Variants in MYOM2 observed in about 807,000 individuals in gnomAD.
MYOM2 encodes the protein myomesin-2.
MYOM2 carries 254 observed loss-of-function variants against 187.6 expected under a neutral mutation model. That is an observed-to-expected ratio of 1.35 (90% CI 1.22 to 1.50). MYOM2 has a LOEUF of 1.50. Ranked by LOEUF, MYOM2 falls within the 40% of genes most tolerant of loss-of-function variation. MYOM2 has a pLI of 0.00. For synonymous variants in MYOM2, 981 were observed against 753.8 expected (o/e 1.30, Z -4.94); for missense variants, 2,796 against 1,924.0 (o/e 1.45, Z -8.48).
chr8:2,141,287 C>A (rs1261121456), intron 34 of MYOM2, 110 bp downstream of exon 34: 1 of 895,086 alleles, frequency 1.1e-6, no homozygotes, highest in Non-Finnish European at 1.8e-6. Flanking sequence ...AAAGAAAGAG[C>A]CATTCCTGGG....
Position 2,140,762 on chromosome 8 carries a change from G to T in MYOM2, c.3840G>T (p.Gly1280=), listed in dbSNP as rs200237736. Residue 1280 remains glycine (G), a synonymous_variant, in exon 33 of 37, where the codon GGG becomes GGT. Coordinates refer to ENST00000262113, the MANE Select transcript of MYOM2 (RefSeq NM_003970.4). ...KISSSEHMRI[G]GSEEMAWLQI... is the part of the protein sequence containing the mutation. The stretch of plus-strand genomic sequence containing the variant: ...CATCCAGTGAGCATATGAGAATCGG[G>T]GGGAGTGAAGAGATGGCTTGGCTGC... 1.9e-6 allele frequency: 3 copies of T among 1,614,124 alleles called. No homozygotes were observed. The South Asian group carries it at 3.3e-5, about 18-fold the overall frequency.
At chr8:2,055,030 CTGGGGAACCAAGTACCTGGAT>C (rs1818613837) in intron 3 of MYOM2, among the ~76,000 whole-genome samples, 1 of 81,016 alleles carries the variant, frequency 1.2e-5, no homozygotes. Context: ...TACCTGGATA[CTGGGGAACCAAGTACCTGGAT>C]ACTGGGGGAA....
intron 19 of MYOM2, among the ~76,000 whole-genome samples, chr8:2,099,309 T>A (rs1033908390): frequency 6.6e-6 from 1 of 152,170 alleles, no homozygotes; most frequent in Non-Finnish European, 1.5e-5. Flanking sequence ...TGACACGGAT[T>A]TGGCCCAGGT....
chr8:2,117,381 A>G (rs1172854669), intron 27 of MYOM2, among the ~76,000 whole-genome samples: 1 of 152,238 alleles, frequency 6.6e-6, no homozygotes, highest in Non-Finnish European at 1.5e-5. Flanking sequence ...TTTTAAAAAC[A>G]TATATAAACC....
In MYOM2 at chr8:2,085,500, TGTGATCTCCGC is replaced by T. The variant is rs1819806600; in HGVS notation, c.1644+114_1644+124del. 5.3e-4 allele frequency: 333 copies of T among 631,846 alleles called. 49 individuals are homozygous for T. Among genetic ancestry groups the T allele is most frequent in the Middle Eastern group, 4.5e-3 (8 of 1,764 alleles). 39.1% of individuals were successfully genotyped at this position (631,846 alleles called of 1,614,324 possible). On this transcript the variant is annotated intron_variant, in intron 14 of 36. Coordinates refer to ENST00000262113, the MANE Select transcript of MYOM2 (RefSeq NM_003970.4). ...TGATCTCCGCGTGGCCCCTCACTGT[TGTGATCTCCGC>T]GTGGCCCCCCACTGTTGTGATCTCT...
At chr8:2,120,674 ATT>A (rs1797404522) in intron 28 of MYOM2, among the ~76,000 whole-genome samples, 1 of 31,918 alleles carries the variant, frequency 3.1e-5, no homozygotes, top group Non-Finnish European at 5.7e-5. Flanking sequence ...ATATATATAT[ATT>A]ATATTATATA....
chr8:2,063,443 T>G (rs1818913999), intron 6 of MYOM2, among the ~76,000 whole-genome samples: 1 of 152,242 alleles, frequency 6.6e-6, no homozygotes, highest in African/African-American at 2.4e-5. Context: ...CTGTTTTATA[T>G]GCTCATAAGA....
intron 28 of MYOM2, chr8:2,119,441 TGCGTGGCC>T (rs1487887748): frequency 6.5e-6 from 1 of 152,972 alleles, no homozygotes; most frequent in Non-Finnish European, 1.5e-5. Context: ...AGTGAAGCGC[TGCGTGGCC>T]GGGTGAGGAG....
chr8:2,095,431 A>G (rs901117607), intron 17 of MYOM2, among the ~76,000 whole-genome samples: 1 of 151,924 alleles, frequency 6.6e-6, no homozygotes, highest in Non-Finnish European at 1.5e-5. Context: ...AGCTAGGACC[A>G]CAGGCACCAC....
chr8:2,110,872 C>T (rs899835556), intron 25 of MYOM2, among the ~76,000 whole-genome samples: 1 of 152,190 alleles, frequency 6.6e-6, no homozygotes, highest in Admixed American at 6.5e-5. Context: ...GAATTTTCTT[C>T]TCCAGTCAGT....
At chr8:2,083,753 G>C (rs79141743) in intron 13 of MYOM2, among the ~76,000 whole-genome samples, 2 of 152,186 alleles carry the variant, frequency 1.3e-5, no homozygotes, top group African/African-American at 4.8e-5. Flanking sequence ...CTGCAAATCC[G>C]CAAGGCTTGT....
chr8:2,137,982 T>C (rs1166455076), intron 32 of MYOM2, among the ~76,000 whole-genome samples: 2 of 152,148 alleles, frequency 1.3e-5, no homozygotes, highest in East Asian at 1.9e-4. Context: ...GCCTGGTATA[T>C]GTTCTGTGCA....
Position 2,116,114 on chromosome 8 carries a change from A to G in MYOM2, c.3325+10A>G, listed in dbSNP as rs1487446269. On this transcript the variant is annotated intron_variant, in intron 26 of 36. Transcript: ENST00000262113. ...GTTCTTATTGGAGATGGTATGCTAT[A>G]TCGAATATTTCCACGTCCATACAAG... The G allele has an allele frequency of 6.4e-6, 10 of 1,560,366 alleles. No homozygotes were observed. Among genetic ancestry groups the G allele is most frequent in the Non-Finnish European group, 8.6e-6 (10 of 1,163,588 alleles).
intron 3 of MYOM2, among the ~76,000 whole-genome samples, chr8:2,055,429 C>T (rs1818631672): frequency 6.6e-6 from 1 of 152,114 alleles, no homozygotes; most frequent in South Asian, 2.1e-4. Flanking sequence ...GAGGAATCTA[C>T]CCCAGGCAAG....
At chr8:2,093,906 C>T in intron 16 of MYOM2, 64 bp from the exon 17 acceptor site, 1 of 1,576,386 alleles carries the variant, frequency 6.3e-7, no homozygotes, top group East Asian at 2.3e-5. Context: ...GTGATTTTTG[C>T]TTCTGCTGCA....
intron 13 of MYOM2, among the ~76,000 whole-genome samples, chr8:2,080,900 G>C (rs1247224921): frequency 1.3e-5 from 2 of 148,982 alleles, no homozygotes; most frequent in African/African-American, 5.0e-5. Context: ...AGCCCGTGCA[G>C]AATGAGGTTG....
At chr8:2,077,991 C>G (rs1278805674) in intron 11 of MYOM2, among the ~76,000 whole-genome samples, 5 of 152,188 alleles carry the variant, frequency 3.3e-5, no homozygotes, top group Non-Finnish European at 7.3e-5. Context: ...AGAGCTGGTT[C>G]TTTCCCAGAT....
intron 32 of MYOM2, among the ~76,000 whole-genome samples, chr8:2,130,124 C>G (rs73657729): frequency 0.11 from 16,250 of 143,472 alleles, 1,962 homozygotes; most frequent in African/African-American, 0.27. Flanking sequence ...CCCCTCAGTA[C>G]GCTATACCCA....
At chr8:2,106,446 G>T in intron 22 of MYOM2, 45 bp from the exon 23 acceptor site, 1 of 1,610,472 alleles carries the variant, frequency 6.2e-7, no homozygotes, top group East Asian at 2.2e-5. Flanking sequence ...AGAAGTTCCT[G>T]CAAACAGAAA....
Sources: allele counts gnomAD v4.1 joint callset (sites outside exome capture counted in the v4.1 genomes callset), GRCh38; gene constraint gnomAD v4.1.1; transcripts MANE v1.5; gene names NCBI Gene and HGNC (gene_info 2026-07-23, HGNC 2026-07-21).